Variants in HDAC11 observed in about 807,000 individuals in gnomAD.
HDAC11 encodes the protein histone deacetylase 11.
HDAC11 carries 23 observed loss-of-function variants against 41.1 expected under a neutral mutation model. That is an observed-to-expected ratio of 0.56 (90% CI 0.40 to 0.79). The LOEUF (loss-of-function observed/expected upper bound fraction) is 0.79, where lower values mean the gene tolerates loss of function less well. Among genes scored for constraint, HDAC11 ranks in the 30% least tolerant of loss-of-function variants. The pLI, the probability that HDAC11 is intolerant of heterozygous loss-of-function variation, is 0.00. For synonymous variants in HDAC11, 187 were observed against 186.6 expected, an observed-to-expected ratio of 1.00 and a Z score of -0.02; for missense variants, 402 against 477.3, an observed-to-expected ratio of 0.84 and a Z score of 1.47.
intron 3 of HDAC11, among the ~76,000 whole-genome samples, chr3:13,485,574 C>T (rs1365432424): frequency 2.0e-5 from 3 of 152,210 alleles, no homozygotes; most frequent in African/African-American, 4.8e-5. Context: ...GGGCAGGCTG[C>T]ATGCCTGGCC....
At chr3:13,503,564 C>T (rs1016513183) in intron 8 of HDAC11, among the ~76,000 whole-genome samples, 3 of 152,238 alleles carry the variant, frequency 2.0e-5, no homozygotes, top group East Asian at 1.9e-4. Context: ...AACTCCATCT[C>T]GAAAGAAAGA....
At chr3:13,482,541 G>T (rs1035744893) in intron 2 of HDAC11, among the ~76,000 whole-genome samples, 4 of 152,220 alleles carry the variant, frequency 2.6e-5, no homozygotes, top group Non-Finnish European at 5.9e-5. Flanking sequence ...CCAGCACTCT[G>T]GGAGGCCAAG....
intron 3 of HDAC11, among the ~76,000 whole-genome samples, chr3:13,488,845 G>C (rs898903776): frequency 1.3e-5 from 2 of 151,884 alleles, no homozygotes; most frequent in Non-Finnish European, 2.9e-5. Context: ...CTCCACGGGG[G>C]CTGCACCATT....
At position 13,505,095 on chromosome 3, in the gene HDAC11, A is replaced by C; in HGVS notation, c.*412A>C. ...CCATCCTGACTAGGCCTGCATCCTA[A>C]CTGGGCCTCCCTCCCTCCCCTTGGT... On this transcript the variant is annotated 3_prime_UTR_variant, in exon 10 of 10. Transcript: ENST00000295757. 1 of 236,476 alleles carries C rather than the reference A, an allele frequency of 4.2e-6. No homozygotes were observed. The highest frequency in any genetic ancestry group is 2.2e-5 in the African/African-American group (1 of 45,396). 14.6% of individuals were successfully genotyped at this position (236,476 alleles called of 1,614,324 possible). A position where few individuals can be genotyped will look rare whatever the true frequency, so the allele number is the denominator to read the frequency against.
chr3:13,500,810 G>T, intron 6 of HDAC11, 21 bp downstream of exon 6: 1 of 1,498,812 alleles, frequency 6.7e-7, no homozygotes, highest in Non-Finnish European at 9.0e-7. Context: ...GAGCAAGTGG[G>T]GTCTCGCCTC....
At chr3:13,488,649 CA>C (rs1184370870) in intron 3 of HDAC11, among the ~76,000 whole-genome samples, 3 of 152,204 alleles carry the variant, frequency 2.0e-5, no homozygotes, top group Non-Finnish European at 4.4e-5. Flanking sequence ...TAAAACACTA[CA>C]TTTTTTTTAT....
At chr3:13,499,083 G>A (rs953668755) in intron 5 of HDAC11, among the ~76,000 whole-genome samples, 1 of 152,222 alleles carries the variant, frequency 6.6e-6, no homozygotes, top group Non-Finnish European at 1.5e-5. Context: ...GCTCATGGGA[G>A]GGCTGCACGG....
chr3:13,490,777 A>T, intron 3 of HDAC11, among the ~76,000 whole-genome samples: 2 of 98,838 alleles, frequency 2.0e-5, no homozygotes. Flanking sequence ...TTTTAGACAG[A>T]GTCTCTCTCT....
intron 3 of HDAC11, among the ~76,000 whole-genome samples, chr3:13,490,914 C>A (rs1228309255): frequency 6.6e-6 from 1 of 151,782 alleles, no homozygotes; most frequent in Non-Finnish European, 1.5e-5. Flanking sequence ...CCATGCCCAG[C>A]TAATTTTTGT....
chr3:13,493,721 C>T (rs1701966707), intron 3 of HDAC11, among the ~76,000 whole-genome samples: 2 of 152,208 alleles, frequency 1.3e-5, no homozygotes, highest in Non-Finnish European at 2.9e-5. Context: ...CCTGCTGCTC[C>T]GCTGAGGGGC....
chr3:13,486,831 G>T (rs756736069), intron 3 of HDAC11, among the ~76,000 whole-genome samples: 2 of 152,024 alleles, frequency 1.3e-5, no homozygotes, highest in African/African-American at 4.8e-5. Flanking sequence ...CATCTGCCTC[G>T]GCCTCCCAAA....
rs766953737 is a variant in HDAC11, at chr3:13,481,424, T to C, written c.151+30T>C. ...GGAAGGTCCCCCTTGGACTCTCATC[T>C]GCTTCCTCCAACCCACCTGTCCTCT... On this transcript the variant is annotated intron_variant, in intron 2 of 9. Transcript: ENST00000295757. 4.3e-6 allele frequency: 7 copies of C among 1,611,300 alleles called. No homozygotes were observed. In the Admixed American group the frequency reaches 1.2e-4, roughly 27 times the overall value.
intron 6 of HDAC11, chr3:13,501,525 C>A: frequency 4.1e-6 from 2 of 482,684 alleles, no homozygotes; most frequent in South Asian, 3.6e-5. Context: ...ACTGAAGTCC[C>A]AGGGCTGTGG....
At chr3:13,489,568 GGTTT>G (rs1701750477) in intron 3 of HDAC11, among the ~76,000 whole-genome samples, 1 of 151,990 alleles carries the variant, frequency 6.6e-6, no homozygotes. Context: ...TCATTTTTTT[GGTTT>G]GTTTGTTTAA....
At chr3:13,482,480 TATC>T (rs1701366036) in intron 2 of HDAC11, among the ~76,000 whole-genome samples, 1 of 152,142 alleles carries the variant, frequency 6.6e-6, no homozygotes, top group South Asian at 2.1e-4. Flanking sequence ...CCTCCTGTAA[TATC>T]ATCAGAAGGT....
In HDAC11 at chr3:13,480,681, A is replaced by G. The variant is rs762359458; in HGVS notation, c.2+332A>G. Reference sequence around the variant, plus strand: ...CCCACGGAGGCAGCCACTGGGGCGGATTTCTGTCTCTGGGTGACGACTGCC... The same window carrying G: ...CCCACGGAGGCAGCCACTGGGGCGGGTTTCTGTCTCTGGGTGACGACTGCC... On this transcript the variant is annotated intron_variant, in intron 1 of 9. Coordinates refer to ENST00000295757, the MANE Select transcript of HDAC11 (RefSeq NM_024827.4). This position sits in a 1 kb window ranked among gnomAD's most constrained non-coding sequence, Gnocchi z 4.6. 6 of 447,404 alleles carry G rather than the reference A, an allele frequency of 1.3e-5. No homozygotes were observed. The highest frequency in any genetic ancestry group is 6.4e-4 in the Middle Eastern group (2 of 3,106). The allele number at this position is 447,404 out of a possible 1,614,324, so 27.7% of individuals were successfully genotyped here. A position where few individuals can be genotyped will look rare whatever the true frequency, so the allele number is the denominator to read the frequency against.
At chr3:13,492,602 T>C (rs1005394508) in intron 3 of HDAC11, among the ~76,000 whole-genome samples, 2 of 152,120 alleles carry the variant, frequency 1.3e-5, no homozygotes, top group Non-Finnish European at 2.9e-5. Context: ...TGGAGTGCAG[T>C]GGTGCGATCT....
chr3:13,498,098 C>T (rs915369939), intron 4 of HDAC11, among the ~76,000 whole-genome samples: 3 of 152,054 alleles, frequency 2.0e-5, no homozygotes, highest in South Asian at 4.1e-4. Flanking sequence ...TCAAGTGATC[C>T]GCCTGCCTCG....
intron 6 of HDAC11, 158 bp from the exon 7 acceptor site, chr3:13,501,713 A>T: frequency 1.4e-6 from 1 of 738,424 alleles, no homozygotes. Context: ...CTGGAGCTGC[A>T]CAGCTCTCCC....
Sources: allele counts gnomAD v4.1 joint callset (sites outside exome capture counted in the v4.1 genomes callset), GRCh38; gene constraint gnomAD v4.1.1; non-coding constraint Gnocchi (gnomAD v3.1); transcripts MANE v1.5; gene names NCBI Gene and HGNC (gene_info 2026-07-23, HGNC 2026-07-21).